The following SCML4 variants were observed in gnomAD, a reference collection of about 807,000 sequenced individuals.
The protein encoded by SCML4 is Scm polycomb group protein like 4, also known as sex comb on midleg-like protein 4.
A neutral mutation model predicts 41.1 loss-of-function variants in SCML4; 34 were observed. The ratio of observed to expected loss-of-function variants is 0.83; its 90% CI spans 0.63 to 1.10. The LOEUF is 1.10. Among genes scored for constraint, SCML4 ranks in the 50% least tolerant of loss-of-function variants. The pLI is 0.00. For synonymous variants in SCML4, 214 were observed against 220.9 expected (o/e 0.97, Z 0.28); for missense variants, 522 against 534.1 (o/e 0.98, Z 0.22).
chr6:107,721,424 A>C (rs1299385709), intron 5 of SCML4, among the ~76,000 whole-genome samples: 1 of 151,968 alleles, frequency 6.6e-6, no homozygotes, highest in African/African-American at 2.4e-5. Flanking sequence ...AATTAGCCGG[A>C]TGTGGTGGCA....
chr6:107,766,365 G>A (rs113868489), intron 2 of SCML4, among the ~76,000 whole-genome samples: 2,614 of 133,638 alleles, frequency 0.02, 86 homozygotes, highest in African/African-American at 0.073. Flanking sequence ...GTGAGACTCC[G>A]TCTCAAAAAA....
intron 5 of SCML4, among the ~76,000 whole-genome samples, chr6:107,731,253 A>G (rs1331870573): frequency 6.6e-6 from 1 of 152,236 alleles, no homozygotes; most frequent in Admixed American, 6.5e-5. Context: ...TTAGGACACA[A>G]GGCTTAACTG....
chr6:107,821,943 C>T (rs149569936), intron 1 of SCML4, among the ~76,000 whole-genome samples: 6 of 152,284 alleles, frequency 3.9e-5, no homozygotes, highest in South Asian at 2.1e-4. Flanking sequence ...AACAGACCTA[C>T]GAAGCACTCT....
chr6:107,831,719 G>A, the SCML4 span, among the ~76,000 whole-genome samples: 14 of 152,282 alleles, frequency 9.2e-5, no homozygotes, highest in Middle Eastern at 0.024. Context: ...AGGAGTTCGA[G>A]ACCATCCTGG....
intron 2 of SCML4, among the ~76,000 whole-genome samples, chr6:107,750,330 G>C (rs551825533): frequency 1.3e-5 from 2 of 152,354 alleles, no homozygotes; most frequent in South Asian, 4.1e-4. Flanking sequence ...TCCTGCAGCA[G>C]ATTGACAAAA....
At chr6:107,724,527 T>C (rs1466268454) in intron 5 of SCML4, among the ~76,000 whole-genome samples, 2 of 152,160 alleles carry the variant, frequency 1.3e-5, no homozygotes, top group African/African-American at 4.8e-5. Context: ...AATAATTCCA[T>C]TTATAATAGT....
At chr6:107,723,936 C>A (rs1183295382) in intron 5 of SCML4, among the ~76,000 whole-genome samples, 1 of 151,970 alleles carries the variant, frequency 6.6e-6, no homozygotes, top group Non-Finnish European at 1.5e-5. Flanking sequence ...CTGAACCCGG[C>A]AACATATAAA....
intron 1 of SCML4, among the ~76,000 whole-genome samples, chr6:107,780,805 C>T (rs1321587248): frequency 2.0e-5 from 3 of 151,570 alleles, no homozygotes; most frequent in Admixed American, 6.6e-5. Flanking sequence ...TCGGCATTAG[C>T]TTGTAACATA....
At chr6:107,789,313 C>A (rs1410034620) in intron 1 of SCML4, among the ~76,000 whole-genome samples, 2 of 152,174 alleles carry the variant, frequency 1.3e-5, no homozygotes, top group Non-Finnish European at 2.9e-5. Flanking sequence ...CCAGAAAGAT[C>A]CCTTCCTTGG....
intron 5 of SCML4, among the ~76,000 whole-genome samples, chr6:107,734,049 G>A (rs900142300): frequency 1.3e-5 from 2 of 152,190 alleles, no homozygotes; most frequent in Non-Finnish European, 2.9e-5. Flanking sequence ...TTTGTTATTT[G>A]AGGAGTGGGC....
intron 5 of SCML4, 52 bp downstream of exon 5, chr6:107,744,897 A>G: frequency 1.4e-6 from 2 of 1,442,464 alleles, no homozygotes; most frequent in Non-Finnish European, 1.9e-6. Flanking sequence ...GGGCAGAGAC[A>G]CCTGGGACAG....
the SCML4 span, among the ~76,000 whole-genome samples, chr6:107,843,505 C>T: frequency 2.0e-5 from 3 of 152,164 alleles, no homozygotes; most frequent in African/African-American, 7.2e-5. Context: ...CCAGGAATTC[C>T]AAAGCACAGG....
chr6:107,709,388 G>A (rs6934684), intron 6 of SCML4, among the ~76,000 whole-genome samples: 3,417 of 152,322 alleles, frequency 0.022, 132 homozygotes, highest in African/African-American at 0.079. Context: ...TGGAGGGGCA[G>A]GTGTAAGGAT....
intron 2 of SCML4, among the ~76,000 whole-genome samples, chr6:107,768,594 C>T (rs1780264184): frequency 6.6e-6 from 1 of 152,294 alleles, no homozygotes; most frequent in Non-Finnish European, 1.5e-5. Flanking sequence ...GGGCTGCTGC[C>T]TCCTGTGGGC....
intron 1 of SCML4, among the ~76,000 whole-genome samples, chr6:107,787,999 C>G (rs1301392024): frequency 6.6e-6 from 1 of 152,192 alleles, no homozygotes; most frequent in Non-Finnish European, 1.5e-5. Flanking sequence ...AAGATACCAC[C>G]TCGGACCCAG....
At chr6:107,814,129 G>T (rs1239235226) in intron 1 of SCML4, among the ~76,000 whole-genome samples, 1 of 152,186 alleles carries the variant, frequency 6.6e-6, no homozygotes. Flanking sequence ...CAAGGAGAGG[G>T]GAGTTAGACC....
chr6:107,723,902 T>A (rs1368832609), intron 5 of SCML4, among the ~76,000 whole-genome samples: 1 of 151,924 alleles, frequency 6.6e-6, no homozygotes, highest in African/African-American at 2.4e-5. Context: ...AATGCAGAAA[T>A]CCTCAACAAA....
intron 3 of SCML4, among the ~76,000 whole-genome samples, chr6:107,747,634 A>C (rs1248790648): frequency 6.7e-6 from 1 of 150,296 alleles, no homozygotes; most frequent in Non-Finnish European, 1.5e-5. Context: ...TATATATATA[A>C]ACATAAAAAT....
At chr6:107,835,147 G>A in the SCML4 span, among the ~76,000 whole-genome samples, 1 of 152,142 alleles carries the variant, frequency 6.6e-6, no homozygotes, top group South Asian at 2.1e-4. Flanking sequence ...GATTACTTGA[G>A]TCCAGGAGTT....
Sources: allele counts gnomAD v4.1 joint callset (sites outside exome capture counted in the v4.1 genomes callset), GRCh38; gene constraint gnomAD v4.1.1; transcripts MANE v1.5; gene names NCBI Gene and HGNC (gene_info 2026-07-23, HGNC 2026-07-21).